Variants in FAM83B observed in about 807,000 individuals in gnomAD.
FAM83B encodes the protein protein FAM83B.
Under a neutral mutation model 38.8 loss-of-function variants are expected in FAM83B, and 26 were observed. The ratio of observed to expected loss-of-function variants is 0.67; its 90% CI spans 0.49 to 0.93. FAM83B has a LOEUF of 0.93. Among genes scored for constraint, FAM83B ranks in the 40% least tolerant of loss-of-function variants. The pLI is 0.00. For missense variants in FAM83B, 1,237 were observed against 1,197.3 expected (o/e 1.03, Z -0.49); for synonymous variants, 419 against 423.1 (o/e 0.99, Z 0.12).
chr6:54,889,025 C>T (rs1461718742), intron 2 of FAM83B, among the ~76,000 whole-genome samples: 1 of 152,060 alleles, frequency 6.6e-6, no homozygotes, highest in Non-Finnish European at 1.5e-5. Flanking sequence ...ATCCTCTCTG[C>T]AGTTGAGTCT....
chr6:54,941,195 G>T lies in FAM83B; in HGVS notation c.2224G>T (p.Ala742Ser). The T allele has an allele frequency of 1.9e-6, 3 of 1,614,048 alleles. No individual in the cohort carries two copies. The highest frequency in any genetic ancestry group is 1.7e-6 in the Non-Finnish European group (2 of 1,180,010). ...GTTTKSVSIA[A>S]LLDVNKEESN... ...TACTACCAAATCAGTTTCCATTGCT[G>T]CTTTACTTGATGTGAATAAAGAGGA... Residue 742 changes from alanine (A) to serine (S), a missense_variant, in exon 5 of 5, where the codon GCT (alanine) becomes TCT (serine). Ala to Ser is a moderately conservative substitution (Grantham distance 99). Coordinates refer to ENST00000306858, the MANE Select transcript of FAM83B (RefSeq NM_001010872.3).
intron 4 of FAM83B, 99 bp downstream of exon 4, chr6:54,927,731 A>T: frequency 4.7e-6 from 2 of 425,612 alleles, no homozygotes; most frequent in South Asian, 6.8e-5. Flanking sequence ...TTAAAAGTAA[A>T]AAAAAAAAAA....
chr6:54,918,730 G>A (rs1156696454), intron 2 of FAM83B, among the ~76,000 whole-genome samples: 1 of 152,114 alleles, frequency 6.6e-6, no homozygotes, highest in African/African-American at 2.4e-5. Context: ...TGGAGACACA[G>A]TCAAACCATA....
chr6:54,920,839 G>A (rs1451674053), intron 2 of FAM83B, among the ~76,000 whole-genome samples: 1 of 151,806 alleles, frequency 6.6e-6, no homozygotes, highest in African/African-American at 2.4e-5. Flanking sequence ...ATTACTATCA[G>A]ACACATTTTC....
chr6:54,878,531 C>T (rs1772051273), intron 2 of FAM83B, among the ~76,000 whole-genome samples: 1 of 152,056 alleles, frequency 6.6e-6, no homozygotes, highest in Admixed American at 6.6e-5. Context: ...AGGAATAAGC[C>T]ATGCATGTAT....
chr6:54,900,612 CA>C (rs1383605299), intron 2 of FAM83B, among the ~76,000 whole-genome samples: 1 of 152,070 alleles, frequency 6.6e-6, no homozygotes, highest in Admixed American at 6.6e-5. Flanking sequence ...GTGTTGTTGA[CA>C]GGGGTAAAAT....
At chr6:54,926,927 G>A (rs201074775) in intron 3 of FAM83B, among the ~76,000 whole-genome samples, 1 of 152,078 alleles carries the variant, frequency 6.6e-6, no homozygotes, top group Non-Finnish European at 1.5e-5. Flanking sequence ...TAGAGACGGG[G>A]TTTCACCATC....
At chr6:54,897,467 C>A (rs1381716649) in intron 2 of FAM83B, among the ~76,000 whole-genome samples, 1 of 152,058 alleles carries the variant, frequency 6.6e-6, no homozygotes, top group Admixed American at 6.6e-5. Context: ...GGAAATAAGG[C>A]CCTAAAATTT....
chr6:54,935,902 C>T (rs564043082), intron 4 of FAM83B, among the ~76,000 whole-genome samples: 3 of 152,152 alleles, frequency 2.0e-5, no homozygotes, highest in Non-Finnish European at 4.4e-5. Context: ...GGCTGAGTCA[C>T]TCACTTAAGC....
At chr6:54,871,646 GA>G (rs1771856540) in intron 2 of FAM83B, among the ~76,000 whole-genome samples, 1 of 140,532 alleles carries the variant, frequency 7.1e-6, no homozygotes, top group African/African-American at 2.6e-5. Flanking sequence ...AGGAGGCTAA[GA>G]CACGAGAATT....
intron 1 of FAM83B, among the ~76,000 whole-genome samples, chr6:54,867,990 C>A (rs1771758698): frequency 6.6e-6 from 1 of 152,170 alleles, no homozygotes; most frequent in East Asian, 1.9e-4. Flanking sequence ...CCTTCATTGG[C>A]TGGAATTTTC....
intron 2 of FAM83B, among the ~76,000 whole-genome samples, chr6:54,886,950 T>C (rs1216070831): frequency 6.6e-6 from 1 of 152,136 alleles, no homozygotes; most frequent in Non-Finnish European, 1.5e-5. Flanking sequence ...TAATTGATCC[T>C]TTGGTTGCTG....
chr6:54,870,835 C>A (rs1771836648), intron 2 of FAM83B, 145 bp downstream of exon 2: 1 of 779,060 alleles, frequency 1.3e-6, no homozygotes, highest in Non-Finnish European at 2.0e-6. Flanking sequence ...TATGGATACA[C>A]AGGAAGGTTG....
chr6:54,863,656 A>G (rs1771637117), intron 1 of FAM83B, among the ~76,000 whole-genome samples: 1 of 152,062 alleles, frequency 6.6e-6, no homozygotes, highest in Non-Finnish European at 1.5e-5. Context: ...TCATGACATA[A>G]TGGGCTCCAA....
rs764532425 is a variant in FAM83B at position 54,847,146 on chromosome 6, GGCT to G, written c.-61+323_-61+325del. Reference sequence around the variant, plus strand: ...GAGGACTGGCGCCGCCCCTCGTGGAGGCTGCATTTGTTTCCTCTTTTCCAGTGT... The same window carrying G: ...GAGGACTGGCGCCGCCCCTCGTGGAGGCATTTGTTTCCTCTTTTCCAGTGT... On this transcript the variant is annotated intron_variant, in intron 1 of 4. Transcript: ENST00000306858. Among the ~76,000 whole-genome samples, 5 of 152,046 alleles carry G rather than the reference GGCT, an allele frequency of 3.3e-5. No individual in the cohort carries two copies. In the East Asian group the frequency reaches 7.8e-4, roughly 24 times the overall value.
chr6:54,900,355 G>C (rs1335903152), intron 2 of FAM83B, among the ~76,000 whole-genome samples: 1 of 152,036 alleles, frequency 6.6e-6, no homozygotes, highest in Non-Finnish European at 1.5e-5. Flanking sequence ...CATTTTCTTT[G>C]GCCCCAGTAG....
At position 54,904,956 on chromosome 6, in the gene FAM83B, C is replaced by G. The variant is rs187538596; in HGVS notation, c.445-21415C>G. On this transcript the variant is annotated intron_variant, in intron 2 of 4. Coordinates refer to ENST00000306858, the MANE Select transcript of FAM83B (RefSeq NM_001010872.3). The stretch of plus-strand genomic sequence containing the variant: ...AAGGAGGAGGGAGAGGATGGGAGAT[C>G]AACGATCTGTAAAGAAAGGAAAGAC... 2.0e-4 allele frequency among the ~76,000 whole-genome samples: 31 copies of G among 152,082 alleles called. No homozygotes were observed. In the South Asian group the frequency reaches 2.5e-3, roughly 12 times the overall value.
intron 1 of FAM83B, among the ~76,000 whole-genome samples, chr6:54,858,513 T>G (rs534654358): frequency 2.6e-5 from 4 of 152,340 alleles, no homozygotes; most frequent in Non-Finnish European, 5.9e-5. Context: ...TTACTTCAAT[T>G]TCACCTTATT....
At chr6:54,937,436 G>A (rs1018830311) in intron 4 of FAM83B, among the ~76,000 whole-genome samples, 8 of 152,012 alleles carry the variant, frequency 5.3e-5, no homozygotes, top group African/African-American at 1.9e-4. Context: ...TCTGAAGCCT[G>A]CATTTACTAA....
Sources: allele counts gnomAD v4.1 joint callset (sites outside exome capture counted in the v4.1 genomes callset), GRCh38; gene constraint gnomAD v4.1.1; transcripts MANE v1.5; gene names NCBI Gene and HGNC (gene_info 2026-07-23, HGNC 2026-07-21).